FBN2: variants seen among roughly 807,000 people sequenced by gnomAD.
FBN2 encodes fibrillin 2.
FBN2 carries 105 observed loss-of-function variants against 355.6 expected under a neutral mutation model. That is an observed-to-expected ratio of 0.30 (90% CI 0.25 to 0.35). FBN2 has a LOEUF of 0.35. FBN2 is among the 10% of genes least tolerant of loss of function. The pLI is 1.00. For synonymous variants in FBN2, 1,350 were observed against 1,301.2 expected (o/e 1.04, Z -0.81); for missense variants, 3,280 against 3,758.7 (o/e 0.87, Z 3.33).
chr5:128,515,286 A>T (rs4836378), intron 5 of FBN2, among the ~76,000 whole-genome samples: 16,103 of 152,104 alleles, frequency 0.11, 1,029 homozygotes, highest in African/African-American at 0.18. Context: ...TATAATTAGA[A>T]GCCAAGTTGC....
chr5:128,519,325 T>G lies in FBN2; in HGVS notation c.576A>C (p.Gly192=). Residue 192 remains glycine, a synonymous_variant, in exon 5 of 65, where the codon GGA becomes GGC. Coordinates refer to ENST00000262464, the MANE Select transcript of FBN2 (RefSeq NM_001999.4). ...NGCQNGGRCI[G]PNRCACVYGF... is the part of the protein sequence containing the mutation. ...CATAAACACAAGCACAGCGGTTGGGTCCGATGCAACGTCCACCATTCTGAC... is the reference window on the plus strand; with the variant it reads ...CATAAACACAAGCACAGCGGTTGGGGCCGATGCAACGTCCACCATTCTGAC... 1 of 1,613,980 alleles carries G rather than the reference T, an allele frequency of 6.2e-7. No homozygotes were observed. The highest frequency in any genetic ancestry group is 8.5e-7 in the Non-Finnish European group (1 of 1,179,980).
chr5:128,484,790 G>A (rs1755291525), intron 5 of FBN2, among the ~76,000 whole-genome samples: 1 of 152,152 alleles, frequency 6.6e-6, no homozygotes, highest in Non-Finnish European at 1.5e-5. Context: ...CAAGGTCAAT[G>A]CACTATTCGG....
intron 7 of FBN2, among the ~76,000 whole-genome samples, chr5:128,438,909 C>T (rs1753845551): frequency 6.6e-6 from 1 of 152,140 alleles, no homozygotes; most frequent in East Asian, 1.9e-4. Flanking sequence ...TCACCCCCAA[C>T]AATATCCAAT....
At chr5:128,442,717 T>C (rs368299918) in intron 7 of FBN2, among the ~76,000 whole-genome samples, 1 of 152,144 alleles carries the variant, frequency 6.6e-6, no homozygotes, top group East Asian at 1.9e-4. Context: ...CAAAGGGGGA[T>C]AATAACTGGT....
chr5:128,278,143 C>T (rs1765443095), intron 57 of FBN2, 138 bp from the exon 58 acceptor site: 1 of 846,512 alleles, frequency 1.2e-6, no homozygotes, highest in Admixed American at 1.9e-5. Flanking sequence ...AGCACCTGTT[C>T]ATCATTCAGG....
chr5:128,510,063 A>G (rs1475931682), intron 5 of FBN2, among the ~76,000 whole-genome samples: 1 of 152,114 alleles, frequency 6.6e-6, no homozygotes, highest in Admixed American at 6.5e-5. Flanking sequence ...CTGTTTCCTC[A>G]CCAGGATTCT....
At chr5:128,276,410 T>C (rs1056067484) in intron 58 of FBN2, among the ~76,000 whole-genome samples, 1 of 152,220 alleles carries the variant, frequency 6.6e-6, no homozygotes, top group African/African-American at 2.4e-5. Context: ...AATTACTACA[T>C]TCTTTAGATT....
At chr5:128,408,622 T>C (rs1046329860) in intron 8 of FBN2, 52 bp downstream of exon 8, 44 of 1,610,772 alleles carry the variant, frequency 2.7e-5, no homozygotes, top group East Asian at 6.7e-5. Context: ...GTTTGGGCTG[T>C]TTTGTCATTA....
In FBN2 at chr5:128,537,619, C is replaced by T; in HGVS notation, c.-16G>A. 1 of 1,605,098 alleles carries T rather than the reference C, an allele frequency of 6.2e-7. No homozygotes were observed. The highest frequency in any genetic ancestry group is 8.5e-7 in the Non-Finnish European group (1 of 1,177,582). ...TTCTCCCCATCGCCGGCGCCGAAAGCGCGCGGCCGTAGACCCGCGGAGAGG... is the reference window on the plus strand; with the variant it reads ...TTCTCCCCATCGCCGGCGCCGAAAGTGCGCGGCCGTAGACCCGCGGAGAGG... On this transcript the variant is annotated 5_prime_UTR_variant, in exon 1 of 65. Coordinates refer to ENST00000262464, the MANE Select transcript of FBN2 (RefSeq NM_001999.4).
intron 6 of FBN2, among the ~76,000 whole-genome samples, chr5:128,459,354 C>G (rs1754496174): frequency 6.6e-6 from 1 of 152,158 alleles, no homozygotes; most frequent in Admixed American, 6.5e-5. Context: ...GGATTCACAG[C>G]TGAATTCTAC....
At chr5:128,360,719 A>G (rs1751617917) in intron 19 of FBN2, among the ~76,000 whole-genome samples, 1 of 152,082 alleles carries the variant, frequency 6.6e-6, no homozygotes, top group African/African-American at 2.4e-5. Flanking sequence ...TGTTCACAAG[A>G]ATGCTTTGAA....
At chr5:128,385,422 G>T (rs1235624735) in intron 11 of FBN2, among the ~76,000 whole-genome samples, 2 of 152,102 alleles carry the variant, frequency 1.3e-5, no homozygotes, top group African/African-American at 4.8e-5. Flanking sequence ...GTATTCCATG[G>T]TGTCTATGTA....
Position 128,303,089 on chromosome 5 carries a change from T to C in FBN2, c.5801A>G (p.Asp1934Gly), listed in dbSNP as rs1554119542. 1 of 1,583,940 alleles carries C rather than the reference T, an allele frequency of 6.3e-7. No homozygotes were observed. The highest frequency in any genetic ancestry group is 8.7e-7 in the Non-Finnish European group (1 of 1,152,722). ...TGGATGCCGCTCGCACTCATCAACA[T>C]CTATAAAGAAATATAGGCTCAAAAA... ...KASQDQTMCM[D>G]VDECERHPCG... The change falls in exon 46 of 65, where the codon GAT (aspartate) becomes GGT (glycine). Residue 1934 changes from aspartate to glycine, a missense_variant and splice_region_variant. Coordinates refer to ENST00000262464, the MANE Select transcript of FBN2 (RefSeq NM_001999.4).
intron 5 of FBN2, among the ~76,000 whole-genome samples, chr5:128,482,302 C>A (rs1262156308): frequency 6.6e-6 from 1 of 152,008 alleles, no homozygotes; most frequent in Non-Finnish European, 1.5e-5. Flanking sequence ...CCCCGCCCAG[C>A]AAGAGGACGA....
chr5:128,534,947 T>G (rs1581377851), intron 2 of FBN2, among the ~76,000 whole-genome samples: 1 of 152,282 alleles, frequency 6.6e-6, no homozygotes, highest in South Asian at 2.1e-4. Flanking sequence ...ATGGCAGGTG[T>G]GTGATGAGTG....
chr5:128,537,142 G>A (rs1228918518), intron 1 of FBN2, among the ~76,000 whole-genome samples: 2 of 152,158 alleles, frequency 1.3e-5, no homozygotes, highest in Non-Finnish European at 2.9e-5. Context: ...AACCCCCGGA[G>A]AGAGGGCTTT....
At chr5:128,533,113 T>C (rs914335841) in intron 2 of FBN2, among the ~76,000 whole-genome samples, 2 of 152,242 alleles carry the variant, frequency 1.3e-5, no homozygotes, top group Non-Finnish European at 2.9e-5. Flanking sequence ...GGCAAGAATA[T>C]GTTTCCTGCC....
chr5:128,455,848 A>G (rs986206364), intron 6 of FBN2, among the ~76,000 whole-genome samples: 1 of 151,616 alleles, frequency 6.6e-6, no homozygotes, highest in Admixed American at 6.6e-5. Context: ...TACCATCTCA[A>G]CCCTGGAACG....
chr5:128,266,028 TTGG>T (rs1382569985), intron 62 of FBN2, among the ~76,000 whole-genome samples: 4 of 152,208 alleles, frequency 2.6e-5, no homozygotes, highest in African/African-American at 9.6e-5. Flanking sequence ...ATAAAAAATG[TTGG>T]TGGCTTTTCA....
Sources: allele counts gnomAD v4.1 joint callset (sites outside exome capture counted in the v4.1 genomes callset), GRCh38; gene constraint gnomAD v4.1.1; transcripts MANE v1.5; gene names NCBI Gene and HGNC (gene_info 2026-07-23, HGNC 2026-07-21).